The following TMEM185A variants were observed in gnomAD, a reference collection of about 807,000 sequenced individuals.
TMEM185A encodes transmembrane protein 185A.
A neutral mutation model predicts 25.0 loss-of-function variants in TMEM185A; 9 were observed. The ratio of observed to expected loss-of-function variants is 0.36; its 90% confidence interval spans 0.22 to 0.63. The LOEUF is 0.63. Among genes scored for constraint, TMEM185A ranks in the 20% least tolerant of loss-of-function variants. The pLI, the probability that TMEM185A is intolerant of heterozygous loss-of-function variation, is 0.68. For missense variants in TMEM185A, 103 were observed against 237.4 expected, an observed-to-expected ratio of 0.43 and a Z score of 3.72; for synonymous variants, 45 against 93.5, an observed-to-expected ratio of 0.48 and a Z score of 2.99.
chrX:149,617,899 A>G (rs1208278019), intron 1 of TMEM185A, among the ~76,000 whole-genome samples: 2 of 112,245 alleles, frequency 1.8e-5, no homozygotes, highest in African/African-American at 3.2e-5. Context: ...AAAATGCACT[A>G]TAAGTAAAAT....
rs187081476 is a variant in TMEM185A at position 149,605,587 on chromosome X, C to T, written c.424-1517G>A. 2.6e-3 allele frequency among the ~76,000 whole-genome samples: 291 copies of T among 111,784 alleles called. 1 individual carries two copies. Among genetic ancestry groups the T allele is most frequent in the Non-Finnish European group, 4.8e-3 (256 of 53,096 alleles). On this transcript the variant is annotated intron_variant, in intron 3 of 6. Coordinates refer to ENST00000600449, the MANE Select transcript of TMEM185A (RefSeq NM_032508.4). ...TCACTTTCTATAGCCTCCCATGTCA[C>T]TTGGAGGCACAACAGTGGTCTCATT... is the stretch of plus-strand genomic sequence containing the variant.
chrX:149,605,008 A>C (rs2090039077), intron 3 of TMEM185A: 1 of 111,875 alleles, frequency 8.9e-6, no homozygotes, highest in South Asian at 3.7e-4. Flanking sequence ...CCCGACTAGG[A>C]AGACAGACAC....
intron 1 of TMEM185A, among the ~76,000 whole-genome samples, chrX:149,620,495 CA>C (rs782589379): frequency 3.6e-5 from 4 of 110,684 alleles, no homozygotes; most frequent in African/African-American, 6.6e-5. Flanking sequence ...GTGAAGCTGG[CA>C]TTTTTTTTTT....
chrX:149,621,682 G>C (rs2090140646), intron 1 of TMEM185A, among the ~76,000 whole-genome samples: 1 of 111,756 alleles, frequency 8.9e-6, no homozygotes, highest in Admixed American at 9.5e-5. Flanking sequence ...GCTACTGAAG[G>C]CTCTAGGAGA....
chrX:149,628,049 T>C (rs1034677247), intron 1 of TMEM185A, among the ~76,000 whole-genome samples: 2 of 111,933 alleles, frequency 1.8e-5, no homozygotes, highest in Non-Finnish European at 3.8e-5. Context: ...CAGTACCCCA[T>C]GCCCACAAGT....
chrX:149,626,059 T>C (rs2090161540), intron 1 of TMEM185A, among the ~76,000 whole-genome samples: 1 of 112,469 alleles, frequency 8.9e-6, no homozygotes, highest in Non-Finnish European at 1.9e-5. Context: ...TTCCTGCCTA[T>C]GCAACTTCAG....
rs1187668241 is a variant in TMEM185A at position 149,631,742 on chromosome X, C to T, written c.-162G>A. ...CTGCCGTCGCCGTCGCCGTCGCCGCCGCCGCCGCCGCCGCCGCCGCCGCCG... is the reference window on the plus strand; with the variant it reads ...CTGCCGTCGCCGTCGCCGTCGCCGCTGCCGCCGCCGCCGCCGCCGCCGCCG... On this transcript the variant is annotated 5_prime_UTR_variant, in exon 1 of 7. Coordinates refer to ENST00000600449, the MANE Select transcript of TMEM185A (RefSeq NM_032508.4). The T allele has an allele frequency of 1.2e-4, 2 of 17,217 alleles. No homozygotes were observed. The highest frequency in any genetic ancestry group is 2.0e-4 in the Non-Finnish European group (2 of 10,212). 1.4% of individuals were successfully genotyped at this position (17,217 alleles called of 1,213,427 possible). A position where few individuals can be genotyped will look rare whatever the true frequency, so the allele number is the denominator to read the frequency against.
chrX:149,618,475 T>C (rs1386236625), intron 1 of TMEM185A, among the ~76,000 whole-genome samples: 1 of 111,311 alleles, frequency 9.0e-6, no homozygotes, highest in African/African-American at 3.3e-5. Flanking sequence ...GTTAGGGCAA[T>C]AATATGTACC....
chrX:149,623,580 A>G (rs782156768), intron 1 of TMEM185A, among the ~76,000 whole-genome samples: 2 of 110,621 alleles, frequency 1.8e-5, no homozygotes, highest in African/African-American at 3.3e-5. Flanking sequence ...TCAAGAGAAA[A>G]TGTGTTCATT....
At chrX:149,608,455 G>A (rs1011582375) in intron 3 of TMEM185A, 172 bp downstream of exon 3, 12 of 433,499 alleles carry the variant, frequency 2.8e-5, no homozygotes, top group African/African-American at 7.6e-5. Flanking sequence ...CTCAGCCTCC[G>A]GAGAAGCTGG....
At chrX:149,623,798 A>G (rs1557355767) in intron 1 of TMEM185A, among the ~76,000 whole-genome samples, 1 of 112,327 alleles carries the variant, frequency 8.9e-6, no homozygotes, top group African/African-American at 3.2e-5. Flanking sequence ...TTGATCAAGT[A>G]AAACAAAGTA....
chrX:149,630,372 G>GCC (rs111242769), intron 1 of TMEM185A, among the ~76,000 whole-genome samples: 16,476 of 110,422 alleles, frequency 0.15, 986 homozygotes, highest in Middle Eastern at 0.18. Context: ...CCCAGAGTTG[G>GCC]CCCCCGCAGT....
intron 3 of TMEM185A, chrX:149,608,401 G>A: frequency 2.9e-6 from 1 of 341,979 alleles, no homozygotes. Flanking sequence ...TTCAATCTTG[G>A]CTCACTGCAA....
chrX:149,615,564 T>C (rs2090106230), intron 1 of TMEM185A, among the ~76,000 whole-genome samples: 1 of 110,459 alleles, frequency 9.1e-6, no homozygotes, highest in Non-Finnish European at 1.9e-5. Context: ...CTAAGTAATC[T>C]AAAAAAAAGC....
chrX:149,631,427 G>A, intron 1 of TMEM185A, 116 bp downstream of exon 1: 1 of 905,296 alleles, frequency 1.1e-6, no homozygotes. Context: ...GCTCGGGCAG[G>A]CGCCCGGGTC....
At chrX:149,605,794 C>A (rs976868092) in intron 3 of TMEM185A, among the ~76,000 whole-genome samples, 2 of 111,895 alleles carry the variant, frequency 1.8e-5, no homozygotes, top group African/African-American at 3.3e-5. Context: ...TTCAGCAACC[C>A]CTTACTAACC....
intron 1 of TMEM185A, among the ~76,000 whole-genome samples, chrX:149,629,167 C>A (rs1204688486): frequency 9.0e-6 from 1 of 111,310 alleles, no homozygotes; most frequent in African/African-American, 3.3e-5. Context: ...TTAGCAAGTG[C>A]CAAGTGAGGA....
In TMEM185A at chrX:149,631,611, CT is replaced by C; in HGVS notation, c.-32del. 8.7e-7 allele frequency: 1 copy of C among 1,147,546 alleles called. No individual in the cohort carries two copies. Among genetic ancestry groups the C allele is most frequent in the Non-Finnish European group, 1.2e-6 (1 of 860,134 alleles). 94.6% of individuals were successfully genotyped at this position (1,147,546 alleles called of 1,213,427 possible). A position where few individuals can be genotyped will look rare whatever the true frequency, so the allele number is the denominator to read the frequency against. On this transcript the variant is annotated 5_prime_UTR_variant, in exon 1 of 7. Coordinates refer to ENST00000600449, the MANE Select transcript of TMEM185A (RefSeq NM_032508.4). ...AGAACTTCACCGCGGCGTCCTCCTC[CT>C]CCTCCCCCGCACCCCGTGCTGCACA...
rs1397186295 is a variant in TMEM185A, at chrX:149,608,783, G to A, written c.267C>T (p.Gly89=). Residue 89 remains glycine, a synonymous_variant, in exon 3 of 7, where the codon GGC becomes GGT. Transcript: ENST00000600449. ...CAAACATCAACAAGAGCAAGTGGAT[G>A]CCCACTGCAATCAACATGGCTTTAA... The part of the protein sequence containing the change: ...VEFKAMLIAV[G]IHLLLLMFEV... 3.3e-6 allele frequency: 4 copies of A among 1,209,748 alleles called. No individual in the cohort carries two copies. The highest frequency in any genetic ancestry group is 4.5e-6 in the Non-Finnish European group (4 of 895,094).
Sources: gnomAD v4.1 joint callset for allele counts (sites outside exome capture counted in the v4.1 genomes callset) on GRCh38, gnomAD v4.1.1 for gene constraint, MANE v1.5 for transcripts, NCBI Gene and HGNC (gene_info 2026-07-23, HGNC 2026-07-21) for gene names.